The following NLGN1 variants were observed in gnomAD, a reference collection of about 807,000 sequenced individuals.
NLGN1 encodes neuroligin 1.
A neutral mutation model predicts 65.5 loss-of-function variants in NLGN1; 12 were observed. The ratio of observed to expected loss-of-function variants is 0.18; its 90% confidence interval spans 0.12 to 0.30. The LOEUF (loss-of-function observed/expected upper bound fraction) is 0.30, where lower values mean the gene tolerates loss of function less well. Ranked by LOEUF, NLGN1 falls within the 10% of genes least tolerant of loss-of-function variation. The pLI, the probability that NLGN1 is intolerant of heterozygous loss-of-function variation, is 1.00. For missense variants in NLGN1, 750 were observed against 1,007.1 expected (o/e 0.74, Z 3.46); for synonymous variants, 350 against 359.5 (o/e 0.97, Z 0.30).
exon 7 of NLGN1, chr3:174,284,235 A>G (rs1436396801): frequency 8.6e-5 from 13 of 151,368 alleles, no homozygotes; most frequent in Non-Finnish European, 3.0e-5. Context: ...ATTGTGAATG[A>G]GTGTTAGTTG....
chr3:174,220,298 T>TA (rs1053521638), intron 4 of NLGN1, among the ~76,000 whole-genome samples: 28 of 152,218 alleles, frequency 1.8e-4, no homozygotes, highest in African/African-American at 6.5e-4. Context: ...AGTGGACCAA[T>TA]AAAATCAAAA....
chr3:174,061,046 A>G (rs927641237), intron 4 of NLGN1, among the ~76,000 whole-genome samples: 1 of 152,096 alleles, frequency 6.6e-6, no homozygotes, highest in East Asian at 1.9e-4. Flanking sequence ...TATTTTGCCT[A>G]TTAAATAAGG....
At chr3:173,794,840 T>C (rs957402845) in intron 3 of NLGN1, among the ~76,000 whole-genome samples, 1 of 152,186 alleles carries the variant, frequency 6.6e-6, no homozygotes, top group Non-Finnish European at 1.5e-5. Context: ...GACATCAAAG[T>C]GTTATGTAAT....
At chr3:174,099,108 T>C (rs2152572174) in intron 4 of NLGN1, among the ~76,000 whole-genome samples, 1 of 152,290 alleles carries the variant, frequency 6.6e-6, no homozygotes, top group East Asian at 1.9e-4. Flanking sequence ...ACAACAAATG[T>C]ATAAATCAAA....
At chr3:173,842,418 C>T (rs966641603) in intron 4 of NLGN1, among the ~76,000 whole-genome samples, 3 of 152,160 alleles carry the variant, frequency 2.0e-5, no homozygotes, top group African/African-American at 7.2e-5. Context: ...ACTCAGAAGT[C>T]CACAGTCCAA....
At chr3:174,169,323 A>C (rs1320482530) in intron 4 of NLGN1, among the ~76,000 whole-genome samples, 1 of 152,104 alleles carries the variant, frequency 6.6e-6, no homozygotes, top group Admixed American at 6.5e-5. Context: ...ACCTTGATGC[A>C]CCACATCTAT....
intron 4 of NLGN1, among the ~76,000 whole-genome samples, chr3:174,224,592 G>T (rs183000014): frequency 6.6e-6 from 1 of 152,070 alleles, no homozygotes; most frequent in African/African-American, 2.4e-5. Context: ...CCAGCTACTC[G>T]GGAGGCTGAG....
chr3:173,558,641 T>C (rs1238523184), intron 2 of NLGN1, among the ~76,000 whole-genome samples: 1 of 152,162 alleles, frequency 6.6e-6, no homozygotes, highest in Non-Finnish European at 1.5e-5. Context: ...TCTATTTCTC[T>C]TTTGAAACAG....
chr3:174,242,257 T>C (rs1293003453), intron 4 of NLGN1, among the ~76,000 whole-genome samples: 1 of 151,894 alleles, frequency 6.6e-6, no homozygotes, highest in African/African-American at 2.4e-5. Flanking sequence ...CCCCAGGCCA[T>C]GGACCGTGCC....
intron 3 of NLGN1, among the ~76,000 whole-genome samples, chr3:173,631,922 T>C (rs1413024487): frequency 6.6e-6 from 1 of 152,136 alleles, no homozygotes; most frequent in African/African-American, 2.4e-5. Flanking sequence ...TAATGAACTT[T>C]AATATTTTTC....
In NLGN1 at chr3:173,489,564, T is replaced by G. The variant is rs558312808; in HGVS notation, c.-321+54486T>G. Among the ~76,000 whole-genome samples the G allele has an allele frequency of 6.1e-3, 925 of 152,228 alleles. 15 individuals carry two copies. Among genetic ancestry groups the G allele is most frequent in the African/African-American group, 0.022 (893 of 41,474 alleles). ...AAACATACGTGTGCATGTGTCTTTA[T>G]AGCAGCATGATTTATAATCCTTTGG... On this transcript the variant is annotated intron_variant, in intron 2 of 6. Transcript: ENST00000457714.
chr3:174,019,477 C>G (rs1188912530), intron 4 of NLGN1, among the ~76,000 whole-genome samples: 1 of 152,102 alleles, frequency 6.6e-6, no homozygotes. Context: ...GCCTCCAGAA[C>G]TGTAAGAAAT....
chr3:173,568,530 C>G (rs1450513650), intron 2 of NLGN1, among the ~76,000 whole-genome samples: 1 of 152,130 alleles, frequency 6.6e-6, no homozygotes, highest in African/African-American at 2.4e-5. Context: ...CCACTGTGCC[C>G]GGCCTCAATA....
At chr3:174,281,539 A>T in exon 7 of NLGN1, 1 of 410,694 alleles carries the variant, frequency 2.4e-6, no homozygotes, top group Non-Finnish European at 4.3e-6. Flanking sequence ...TTTCATTCAC[A>T]TTCAAGAATT....
At chr3:173,519,774 T>C (rs1375904129) in intron 2 of NLGN1, among the ~76,000 whole-genome samples, 3 of 152,164 alleles carry the variant, frequency 2.0e-5, no homozygotes, top group African/African-American at 4.8e-5. Context: ...GTTTGGACTT[T>C]GGACTTTTGA....
intron 3 of NLGN1, among the ~76,000 whole-genome samples, chr3:173,639,238 T>C (rs56151784): frequency 0.4 from 61,358 of 152,122 alleles, 13,339 homozygotes; most frequent in African/African-American, 0.58. Flanking sequence ...AAGGCTGCAT[T>C]CTAGGGGAAT....
At chr3:173,595,598 T>G (rs1749334079) in intron 2 of NLGN1, among the ~76,000 whole-genome samples, 2 of 152,164 alleles carry the variant, frequency 1.3e-5, no homozygotes, top group South Asian at 4.1e-4. Flanking sequence ...TGCTTCCACA[T>G]TTTTGGGTAT....
intron 4 of NLGN1, among the ~76,000 whole-genome samples, chr3:174,227,191 A>C (rs1221448877): frequency 2.6e-4 from 40 of 152,192 alleles, no homozygotes; most frequent in African/African-American, 9.4e-4. Flanking sequence ...AGCCATGTTT[A>C]TTACCTGTAC....
At chr3:173,810,515 A>T (rs1375827153) in intron 4 of NLGN1, among the ~76,000 whole-genome samples, 1 of 152,208 alleles carries the variant, frequency 6.6e-6, no homozygotes, top group Non-Finnish European at 1.5e-5. Context: ...TAATTACAAG[A>T]TCATTGATTT....
Sources: allele counts gnomAD v4.1 joint callset (sites outside exome capture counted in the v4.1 genomes callset), GRCh38; gene constraint gnomAD v4.1.1; transcripts MANE v1.5; gene names NCBI Gene and HGNC (gene_info 2026-07-23, HGNC 2026-07-21).